DCC: variants seen among roughly 807,000 people sequenced by gnomAD.
DCC encodes the protein DCC netrin 1 receptor, also known as netrin receptor DCC.
DCC carries 58 observed loss-of-function variants against 172.5 expected under a neutral mutation model. The ratio of observed to expected loss-of-function variants is 0.34; its 90% CI spans 0.27 to 0.42. DCC has a LOEUF of 0.42. Ranked by LOEUF, DCC falls within the 10% of genes least tolerant of loss-of-function variation. The pLI is 1.00. For missense variants in DCC, 1,740 were observed against 1,791.0 expected (o/e 0.97, Z 0.51); for synonymous variants, 709 against 644.5 (o/e 1.10, Z -1.52).
chr18:52,895,004 A>C (rs549784108), intron 2 of DCC, among the ~76,000 whole-genome samples: 100 of 152,336 alleles, frequency 6.6e-4, no homozygotes, highest in African/African-American at 2.1e-3. Context: ...GACTGACTGA[A>C]TGAGTGGGTG....
At chr18:52,507,710 A>T (rs1030305888) in intron 1 of DCC, among the ~76,000 whole-genome samples, 1 of 152,188 alleles carries the variant, frequency 6.6e-6, no homozygotes, top group African/African-American at 2.4e-5. Context: ...ATAGATCAAA[A>T]TCTACCATTT....
intron 7 of DCC, among the ~76,000 whole-genome samples, chr18:53,103,447 G>C (rs1048111777): frequency 3.3e-5 from 5 of 151,984 alleles, no homozygotes; most frequent in African/African-American, 1.2e-4. Context: ...TCATGACTCA[G>C]TGCAGCCTTG....
At chr18:53,329,033 C>T (rs1337410661) in intron 14 of DCC, among the ~76,000 whole-genome samples, 1 of 152,018 alleles carries the variant, frequency 6.6e-6, no homozygotes, top group Admixed American at 6.6e-5. Context: ...CTTAAAAGCC[C>T]ATCATCTAAT....
intron 1 of DCC, among the ~76,000 whole-genome samples, chr18:52,606,258 T>A (rs1475377655): frequency 2.6e-5 from 4 of 152,050 alleles, no homozygotes; most frequent in Non-Finnish European, 5.9e-5. Context: ...ATTTACTATC[T>A]ATGTATTGTT....
At position 52,357,063 on chromosome 18, in the gene DCC, G is replaced by A. The variant is rs543830467; in HGVS notation, c.91+16185G>A. Among the ~76,000 whole-genome samples, 11 of 152,236 alleles carry A rather than the reference G, an allele frequency of 7.2e-5. No homozygotes were observed. In the South Asian group the frequency reaches 2.1e-3, roughly 29 times the overall value. On this transcript the variant is annotated intron_variant, in intron 1 of 28. Transcript: ENST00000442544. ...GCCTCCCAAAGTGCTGGGATTATAG[G>A]CATAAGCCACTGCTTCCAAATCTGG...
At chr18:53,371,636 T>A (rs1043937415) in intron 15 of DCC, among the ~76,000 whole-genome samples, 1 of 151,902 alleles carries the variant, frequency 6.6e-6, no homozygotes, top group Non-Finnish European at 1.5e-5. Flanking sequence ...AAATTTATAA[T>A]GAATTGTTAT....
intron 12 of DCC, among the ~76,000 whole-genome samples, chr18:53,289,375 A>G (rs1316042097): frequency 6.6e-6 from 1 of 152,152 alleles, no homozygotes; most frequent in Non-Finnish European, 1.5e-5. Flanking sequence ...AATCATTCTA[A>G]TTTAGAGGCA....
At chr18:53,316,488 T>C (rs1160249851) in intron 13 of DCC, among the ~76,000 whole-genome samples, 1 of 152,102 alleles carries the variant, frequency 6.6e-6, no homozygotes, top group Non-Finnish European at 1.5e-5. Flanking sequence ...TTTCTAATTC[T>C]GTGAAGAAAG....
Position 53,351,441 on chromosome 18 carries a change from G to C in DCC, c.2359+11534G>C, listed in dbSNP as rs1352851223. Among the ~76,000 whole-genome samples, 165 of 27,256 alleles carry C rather than the reference G, an allele frequency of 6.1e-3. 11 individuals carry two copies. Among genetic ancestry groups the C allele is most frequent in the East Asian group, 0.012 (15 of 1,224 alleles). 17.9% of individuals were successfully genotyped at this position (27,256 alleles called of 152,430 possible). ...TACACACTGTGTATATATATATACA[G>C]TGTATATATATATATACACAGTGTG... On this transcript the variant is annotated intron_variant, in intron 15 of 28. Coordinates refer to ENST00000442544, the MANE Select transcript of DCC (RefSeq NM_005215.4).
chr18:52,961,086 A>G (rs939944176), intron 5 of DCC, among the ~76,000 whole-genome samples: 5 of 152,082 alleles, frequency 3.3e-5, no homozygotes, highest in African/African-American at 7.2e-5. Context: ...TTGAAATTCT[A>G]TGTTGTATGC....
chr18:52,993,861 C>G (rs1325228443), intron 5 of DCC, among the ~76,000 whole-genome samples: 1 of 150,354 alleles, frequency 6.7e-6, no homozygotes, highest in East Asian at 1.9e-4. Flanking sequence ...ACTCTCCACT[C>G]TCTCTCTCTC....
rs1158062301 is a variant in DCC at position 53,459,247 on chromosome 18, C to G, written c.3408C>G (p.His1136Gln). The change falls in exon 24 of 29, where the codon CAC becomes CAG. Residue 1136 changes from histidine to glutamine, a missense_variant. By Grantham distance (24) the His-to-Gln change is conservative. Transcript: ENST00000442544. The stretch of plus-strand genomic sequence containing the variant: ...TGTTCCATAGGAAACGGGCCACCCA[C>G]AGTGCTGGCAAAAGGAAGGGCAGCC... ...SAQQRKKRAT[H>Q]SAGKRKGSQK... 1.9e-6 allele frequency: 3 copies of G among 1,613,776 alleles called. No homozygotes were observed. In the Admixed American group the frequency reaches 5.0e-5, roughly 27 times the overall value.
At chr18:52,533,207 T>C (rs1419763544) in intron 1 of DCC, among the ~76,000 whole-genome samples, 1 of 152,178 alleles carries the variant, frequency 6.6e-6, no homozygotes, top group Non-Finnish European at 1.5e-5. Flanking sequence ...CGACATTTGA[T>C]ACAACCTGTC....
chr18:53,225,070 T>C lies in DCC; in HGVS notation c.1911+9473T>C, dbSNP rs186225373. ...AAAAGAGGAAGGGTGATTTCACAGA[T>C]GTCATGGTGGGGAAGAATGTTTCCA... On this transcript the variant is annotated intron_variant, in intron 12 of 28. Coordinates refer to ENST00000442544, the MANE Select transcript of DCC (RefSeq NM_005215.4). Among the ~76,000 whole-genome samples the C allele has an allele frequency of 6.6e-5, 10 of 152,194 alleles. No homozygotes were observed. The East Asian group carries it at 1.7e-3, about 26-fold the overall frequency.
chr18:52,522,430 CT>C (rs1453869753), intron 1 of DCC, among the ~76,000 whole-genome samples: 4 of 152,288 alleles, frequency 2.6e-5, no homozygotes, highest in East Asian at 1.9e-4. Context: ...ATGAGACCCC[CT>C]GATCCAGAAC....
intron 2 of DCC, among the ~76,000 whole-genome samples, chr18:52,779,371 T>C (rs2037491287): frequency 6.6e-6 from 1 of 152,144 alleles, no homozygotes; most frequent in Non-Finnish European, 1.5e-5. Context: ...GTACTAATTG[T>C]TCAACTCCCA....
At chr18:52,933,417 G>T (rs1451514383) in intron 5 of DCC, among the ~76,000 whole-genome samples, 1 of 151,380 alleles carries the variant, frequency 6.6e-6, no homozygotes, top group Non-Finnish European at 1.5e-5. Flanking sequence ...GGAGGGAGTG[G>T]TGAGGGGAGA....
intron 2 of DCC, among the ~76,000 whole-genome samples, chr18:52,793,307 A>G (rs1313255103): frequency 1.3e-5 from 2 of 152,188 alleles, no homozygotes; most frequent in Admixed American, 6.5e-5. Flanking sequence ...GTCTAGTCCT[A>G]GTTCCTGCTG....
chr18:53,450,140 T>TAC (rs1271288085), intron 22 of DCC, among the ~76,000 whole-genome samples: 13 of 124,362 alleles, frequency 1.0e-4, no homozygotes, highest in African/African-American at 2.6e-4. Flanking sequence ...TATATATATA[T>TAC]ATACACACAC....
Sources: allele counts gnomAD v4.1 joint callset (sites outside exome capture counted in the v4.1 genomes callset), GRCh38; gene constraint gnomAD v4.1.1; transcripts MANE v1.5; gene names NCBI Gene and HGNC (gene_info 2026-07-23, HGNC 2026-07-21).